DNAJB14: variants seen among roughly 807,000 people sequenced by gnomAD.
DNAJB14 encodes the protein dnaJ homolog subfamily B member 14.
DNAJB14 carries 22 observed loss-of-function variants against 48.4 expected under a neutral mutation model. The observed-to-expected ratio is 0.45, with a 90% CI of 0.32 to 0.65. The LOEUF (loss-of-function observed/expected upper bound fraction) is 0.65. Among genes scored for constraint, DNAJB14 ranks in the 30% least tolerant of loss-of-function variants. DNAJB14 has a pLI of 0.03. For synonymous variants in DNAJB14, 142 were observed against 158.7 expected (o/e 0.89, Z 0.79); for missense variants, 319 against 458.8 (o/e 0.70, Z 2.78).
chr4:99,915,036 CTTTGAG>C (rs142871565), intron 3 of DNAJB14, among the ~76,000 whole-genome samples: 6,897 of 152,046 alleles, frequency 0.045, 221 homozygotes, highest in Middle Eastern at 0.12. Flanking sequence ...CTTTTGCTTG[CTTTGAG>C]TTTATTTTGC....
intron 3 of DNAJB14, among the ~76,000 whole-genome samples, chr4:99,914,386 T>A (rs2110201168): frequency 6.6e-6 from 1 of 152,112 alleles, no homozygotes; most frequent in Non-Finnish European, 1.5e-5. Flanking sequence ...CAGCAAACTA[T>A]CGCAAGGACA....
chr4:99,908,726 C>A lies in DNAJB14; in HGVS notation c.622G>T (p.Gly208Cys). Residue 208 changes from glycine (G) to cysteine (C), a missense_variant, in exon 4 of 8, where the codon GGT (glycine) becomes TGT (cysteine). Gly to Cys is a radical substitution (Grantham distance 159). Around this residue, in one of 3 missense-constraint regions of DNAJB14, gnomAD observed 166 missense variants for 236.3 expected, o/e 0.70. Coordinates refer to ENST00000442697, the MANE Select transcript of DNAJB14 (RefSeq NM_001031723.4). Reference protein sequence around the residue: ...PEDLFNIFFGGGFPSGSVHSF... With the variant: ...PEDLFNIFFGCGFPSGSVHSF... ...ATTAAAATACCTGAAGGAAATCCAC[C>A]CCCAAAAAATATATTAAACAAGTCT... 6.3e-7 allele frequency: 1 copy of A among 1,588,716 alleles called. No homozygotes were observed.
chr4:99,931,143 C>T (rs1726453036), intron 1 of DNAJB14, among the ~76,000 whole-genome samples: 1 of 152,052 alleles, frequency 6.6e-6, no homozygotes, highest in African/African-American at 2.4e-5. Context: ...AAAAGATTTT[C>T]ACTAGAGGAT....
At chr4:99,917,406 G>A (rs577487611) in intron 3 of DNAJB14, among the ~76,000 whole-genome samples, 1 of 152,332 alleles carries the variant, frequency 6.6e-6, no homozygotes, top group African/African-American at 2.4e-5. Flanking sequence ...GGCAGACTCA[G>A]TGTCTGGTGA....
chr4:99,940,466 C>A lies in DNAJB14; in HGVS notation c.133+5973G>T, dbSNP rs549143145. ...AAATAAGCTGGTGTCGTGACACACG[C>A]CTGTAGTCCTAGCTACTCGGAGGCT... is the stretch of plus-strand genomic sequence containing the variant. On this transcript the variant is annotated intron_variant, in intron 1 of 7. Transcript: ENST00000442697. Among the ~76,000 whole-genome samples, 6 of 152,248 alleles carry A rather than the reference C, an allele frequency of 3.9e-5. No individual in the cohort carries two copies. In the South Asian group the frequency reaches 1.2e-3, roughly 32 times the overall value.
chr4:99,914,846 C>T (rs1046123044), intron 3 of DNAJB14, among the ~76,000 whole-genome samples: 5 of 151,912 alleles, frequency 3.3e-5, no homozygotes, highest in Non-Finnish European at 7.4e-5. Flanking sequence ...TCTTATTATC[C>T]GTTTGATGTC....
At chr4:99,944,710 G>A (rs1325990107) in intron 1 of DNAJB14, among the ~76,000 whole-genome samples, 3 of 151,862 alleles carry the variant, frequency 2.0e-5, no homozygotes, top group African/African-American at 7.3e-5. Context: ...TAGTAGCTGG[G>A]ATTACAGGCA....
At chr4:99,933,564 C>T (rs1197916241) in intron 1 of DNAJB14, among the ~76,000 whole-genome samples, 2 of 152,082 alleles carry the variant, frequency 1.3e-5, no homozygotes, top group Admixed American at 6.5e-5. Flanking sequence ...TCCCAAAGTG[C>T]TGGGATTACA....
chr4:99,906,993 CAA>C (rs1690936146), intron 4 of DNAJB14, among the ~76,000 whole-genome samples: 1 of 152,112 alleles, frequency 6.6e-6, no homozygotes, highest in Admixed American at 6.6e-5. Flanking sequence ...CTCTAGAAAT[CAA>C]AAGATAGTGT....
chr4:99,938,224 TAA>T (rs755380158), intron 1 of DNAJB14, among the ~76,000 whole-genome samples: 5 of 71,676 alleles, frequency 7.0e-5, no homozygotes, highest in Admixed American at 1.4e-4. Flanking sequence ...GAGCAGAAAT[TAA>T]AAAAAAAAAA....
intron 1 of DNAJB14, among the ~76,000 whole-genome samples, chr4:99,931,552 G>C (rs1726467085): frequency 6.6e-6 from 1 of 152,060 alleles, no homozygotes; most frequent in Non-Finnish European, 1.5e-5. Context: ...ATTTCAATCA[G>C]TAACTGATAT....
At chr4:99,906,109 C>T in intron 5 of DNAJB14, 1 of 1,313,670 alleles carries the variant, frequency 7.6e-7, no homozygotes, top group Non-Finnish European at 9.9e-7. Context: ...AATTTCTAGT[C>T]TAGTGCTCTT....
At chr4:99,925,466 T>C (rs976874891) in intron 2 of DNAJB14, 1 of 152,140 alleles carries the variant, frequency 6.6e-6, no homozygotes, top group African/African-American at 2.4e-5. Context: ...TACTGATTAT[T>C]TTACACAAAT....
At chr4:99,904,847 T>C (rs1238913709) in intron 6 of DNAJB14, among the ~76,000 whole-genome samples, 4 of 152,094 alleles carry the variant, frequency 2.6e-5, no homozygotes, top group Non-Finnish European at 5.9e-5. Flanking sequence ...AAAACCATGA[T>C]TTCATGTCAC....
At chr4:99,923,701 T>C (rs1411516089) in intron 2 of DNAJB14, 1 of 982,608 alleles carries the variant, frequency 1.0e-6, no homozygotes, top group East Asian at 1.1e-4. Context: ...TAAATGTCAA[T>C]ATTTATTTAT....
intron 2 of DNAJB14, chr4:99,928,405 G>A (rs529916464): frequency 4.4e-6 from 1 of 228,830 alleles, no homozygotes; most frequent in East Asian, 1.2e-4. Flanking sequence ...TCTACACTCA[G>A]CATCATCTTT....
At chr4:99,923,809 G>A (rs1054141862) in intron 2 of DNAJB14, 2 of 978,754 alleles carry the variant, frequency 2.0e-6, no homozygotes, top group Non-Finnish European at 2.4e-6. Flanking sequence ...AAAGTGCTGG[G>A]ATTATAGGCA....
chr4:99,930,382 G>C (rs1726419607), intron 2 of DNAJB14, 68 bp downstream of exon 2: 13 of 1,443,748 alleles, frequency 9.0e-6, no homozygotes, highest in South Asian at 3.0e-5. Context: ...ACTTTTTTCA[G>C]GTGTTATAAC....
In DNAJB14 at chr4:99,898,467, G is replaced by GACTA. The variant is rs1235117416; in HGVS notation, c.*2557_*2560dup. Reference sequence around the variant, plus strand: ...TTTCGAAATTTACAGATGACTAAATGACTAGCACCAGTCTATTTGGGAACT... The same window carrying GACTA: ...TTTCGAAATTTACAGATGACTAAATGACTAACTAGCACCAGTCTATTTGGGAACT... On this transcript the variant is annotated 3_prime_UTR_variant, in exon 8 of 8. Coordinates refer to ENST00000442697, the MANE Select transcript of DNAJB14 (RefSeq NM_001031723.4). The GACTA allele has an allele frequency of 6.6e-6, 1 of 151,872 alleles. No homozygotes were observed. Among genetic ancestry groups the GACTA allele is most frequent in the Non-Finnish European group, 1.5e-5 (1 of 67,812 alleles). The allele number at this position is 151,872 out of a possible 1,614,324, so 9.4% of individuals were successfully genotyped here.
Sources: allele counts gnomAD v4.1 joint callset (sites outside exome capture counted in the v4.1 genomes callset), GRCh38; gene constraint gnomAD v4.1.1; regional missense constraint gnomAD v4.1.1; transcripts MANE v1.5; gene names NCBI Gene and HGNC (gene_info 2026-07-23, HGNC 2026-07-21).